The following DNAH2 variants were observed in gnomAD, a reference collection of about 807,000 sequenced individuals.
The protein encoded by DNAH2 is axonemal beta dynein heavy chain 2.
In DNAH2, 323 loss-of-function variants were observed where a neutral mutation model predicts 523.5. That is an observed-to-expected ratio of 0.62 (90% CI 0.56 to 0.68). The LOEUF is 0.68. Among genes scored for constraint, DNAH2 ranks in the 30% least tolerant of loss-of-function variants. The probability of loss-of-function intolerance (pLI) is 0.00; values close to 1 mark genes in which losing one functional copy is unlikely to be tolerated. For missense variants in DNAH2, 4,907 were observed against 5,701.5 expected, an observed-to-expected ratio of 0.86 and a Z score of 4.49; for synonymous variants, 2,093 against 2,177.4, an observed-to-expected ratio of 0.96 and a Z score of 1.08.
chr17:7,764,553 C>T (rs1297661509), intron 20 of DNAH2, among the ~76,000 whole-genome samples: 2 of 151,042 alleles, frequency 1.3e-5, no homozygotes, highest in Non-Finnish European at 3.0e-5. Flanking sequence ...CTCTGCCTCC[C>T]AGGCTCAAGT....
intron 63 of DNAH2, among the ~76,000 whole-genome samples, chr17:7,810,067 C>CTT (rs578080579): frequency 9.4e-5 from 12 of 127,296 alleles, no homozygotes; most frequent in African/African-American, 2.3e-4. Context: ...TCTTTTTTTT[C>CTT]TTTTTTTTTT....
At chr17:7,803,821 AAGAGAG>A (rs66942102) in intron 58 of DNAH2, among the ~76,000 whole-genome samples, 1 of 151,604 alleles carries the variant, frequency 6.6e-6, no homozygotes, top group Admixed American at 6.6e-5. Flanking sequence ...CAAAAAAAGA[AAGAGAG>A]AGAGAGAGCA....
At position 7,780,194 on chromosome 17, in the gene DNAH2, A is replaced by C. The variant is rs768416387; in HGVS notation, c.5760A>C (p.Lys1920Asn). Residue 1920 changes from lysine (K) to asparagine (N), a missense_variant, in exon 37 of 86, where the codon AAA (lysine) becomes AAC (asparagine). Physicochemically the swap from Lys to Asn is moderately conservative, Grantham distance 94. This residue lies in a region of DNAH2 where 2,806 missense variants were observed against 3,190.8 expected (regional missense o/e 0.88). Transcript: ENST00000572933. This position sits in a 1 kb window ranked among gnomAD's most constrained non-coding sequence, Gnocchi z 4.4. The stretch of plus-strand genomic sequence containing the variant: ...GCACAGAGCTTCCCGAAAATCTTAA[A>C]TCCATGTTCCGCCCAATTGCCATGG... ...AGRTELPENL[K>N]SMFRPIAMVV... 11 of 1,614,070 alleles carry C rather than the reference A, an allele frequency of 6.8e-6. No homozygotes were observed. The highest frequency in any genetic ancestry group is 9.3e-6 in the Non-Finnish European group (11 of 1,179,988).
chr17:7,791,932 G>A lies in DNAH2; in HGVS notation c.6916G>A (p.Gly2306Ser), dbSNP rs369555520. ...TPENGVNPAD[G>S]ENYVTMVEMT... ...CTCCATCCAGGTGAACCCAGCTGAC[G>A]GCGAGAACTATGTCACCATGGTAGA... The change falls in exon 45 of 86, where the codon GGC becomes AGC. Residue 2306 changes from glycine to serine, a missense_variant. By Grantham distance (56) the Gly-to-Ser change is moderately conservative (BLOSUM62 0). Around this residue, in one of 3 missense-constraint regions of DNAH2, gnomAD observed 2,806 missense variants for 3,190.8 expected, o/e 0.88. Coordinates refer to ENST00000572933, the MANE Select transcript of DNAH2 (RefSeq NM_020877.5). 3 of 1,613,280 alleles carry A rather than the reference G, an allele frequency of 1.9e-6. No individual in the cohort carries two copies. The highest frequency in any genetic ancestry group is 1.7e-5 in the Admixed American group (1 of 59,888).
intron 5 of DNAH2, 144 bp downstream of exon 5, chr17:7,733,459 G>T: frequency 1.8e-6 from 1 of 551,456 alleles, no homozygotes; most frequent in Non-Finnish European, 3.1e-6. Context: ...TAGGGTACAA[G>T]ATCCGCCTTC....
At chr17:7,757,020 ACCTGTTCGATTGTTGCTCT>A in intron 12 of DNAH2, 52 bp from the exon 13 acceptor site, 2 of 1,594,736 alleles carry the variant, frequency 1.3e-6, no homozygotes, top group East Asian at 4.5e-5. Flanking sequence ...CAGCCTCTCC[ACCTGTTCGATTGTTGCTCT>A]AGTTTATCCC....
At chr17:7,804,518 C>T (rs776066908) in intron 59 of DNAH2, 52 bp downstream of exon 59, 2 of 1,590,652 alleles carry the variant, frequency 1.3e-6, no homozygotes, top group Non-Finnish European at 1.7e-6. Context: ...GTGCCGGCTA[C>T]TGCGTCAGGG....
Position 7,780,058 on chromosome 17 carries a change from T to G in DNAH2, c.5723-99T>G. Reference sequence around the variant, plus strand: ...GTTGGAGAGAAAGTTAGGGATGGAGTTAGGGTGGGAGAAAATGAGACTGAT... The same window carrying G: ...GTTGGAGAGAAAGTTAGGGATGGAGGTAGGGTGGGAGAAAATGAGACTGAT... On this transcript the variant is annotated intron_variant, in intron 36 of 85. Coordinates refer to ENST00000572933, the MANE Select transcript of DNAH2 (RefSeq NM_020877.5). This position sits in a 1 kb window ranked among gnomAD's most constrained non-coding sequence, Gnocchi z 4.4. 2.7e-6 allele frequency: 4 copies of G among 1,469,170 alleles called. No homozygotes were observed. Among genetic ancestry groups the G allele is most frequent in the Non-Finnish European group, 3.7e-6 (4 of 1,083,356 alleles). The allele number at this position is 1,469,170 out of a possible 1,614,324, so 91.0% of individuals were successfully genotyped here. A position where few individuals can be genotyped will look rare whatever the true frequency, so the allele number is the denominator to read the frequency against.
intron 63 of DNAH2, among the ~76,000 whole-genome samples, chr17:7,812,727 C>T (rs2077549990): frequency 7.0e-6 from 1 of 143,480 alleles, no homozygotes; most frequent in South Asian, 2.2e-4. Context: ...TTGAGACCAG[C>T]CTGGCCAACA....
At chr17:7,813,699 G>C (rs566069228) in intron 63 of DNAH2, among the ~76,000 whole-genome samples, 1 of 152,292 alleles carries the variant, frequency 6.6e-6, no homozygotes, top group African/African-American at 2.4e-5. Context: ...CTGGAGGTCA[G>C]GAGTTCGAGA....
At chr17:7,725,539 T>A (rs1347947065) in intron 3 of DNAH2, among the ~76,000 whole-genome samples, 1 of 150,456 alleles carries the variant, frequency 6.6e-6, no homozygotes, top group Non-Finnish European at 1.5e-5. Context: ...CTCAAGCAAT[T>A]CTCCTGCCTC....
At chr17:7,733,436 C>A in intron 5 of DNAH2, 121 bp downstream of exon 5, 1 of 813,118 alleles carries the variant, frequency 1.2e-6, no homozygotes, top group Non-Finnish European at 1.9e-6. Flanking sequence ...GCATGCTTAT[C>A]GAATTGGTAG....
intron 58 of DNAH2, among the ~76,000 whole-genome samples, chr17:7,803,817 A>AG (rs1450207767): frequency 4.9e-5 from 2 of 41,154 alleles, no homozygotes; most frequent in Non-Finnish European, 2.0e-4. Context: ...TCTACAAAAA[A>AG]AGAAAGAGAG....
At chr17:7,757,326 T>A in intron 13 of DNAH2, 89 bp downstream of exon 13, 1 of 1,484,616 alleles carries the variant, frequency 6.7e-7, no homozygotes. Flanking sequence ...GTTCATTTTC[T>A]ACAATTTCTG....
intron 9 of DNAH2, 52 bp downstream of exon 9, chr17:7,739,990 C>A (rs1468189400): frequency 6.3e-7 from 1 of 1,594,570 alleles, no homozygotes; most frequent in Non-Finnish European, 8.6e-7. Flanking sequence ...GCAGATCAGG[C>A]AGCCAAGAGT....
In DNAH2 at chr17:7,776,159, G is replaced by T. The variant is rs758606398; in HGVS notation, c.4947+10G>T. ...GGAGTGGGCTGGCCAGGTGAGCTGG[G>T]GTCAACAGAAGTGAGGGAACAAGGG... On this transcript the variant is annotated intron_variant, in intron 31 of 85. Coordinates refer to ENST00000572933, the MANE Select transcript of DNAH2 (RefSeq NM_020877.5). 5 of 1,612,688 alleles carry T rather than the reference G, an allele frequency of 3.1e-6. No individual in the cohort carries two copies. The highest frequency in any genetic ancestry group is 3.4e-6 in the Non-Finnish European group (4 of 1,179,322).
Position 7,796,586 on chromosome 17 carries a change from G to A in DNAH2, c.7797G>A (p.Val2599=). ...TEATLDMYNT[V]VQRFLPTPTK... Reference sequence around the variant, plus strand: ...CCACCCTGGACATGTACAACACCGTGGTACAGCGCTTCCTGCCCACGCCCA... The same window carrying A: ...CCACCCTGGACATGTACAACACCGTAGTACAGCGCTTCCTGCCCACGCCCA... Residue 2599 remains valine (V), a synonymous_variant, in exon 50 of 86, where the codon GTG becomes GTA. Transcript: ENST00000572933. 6.2e-7 allele frequency: 1 copy of A among 1,613,324 alleles called. No homozygotes were observed. Among genetic ancestry groups the A allele is most frequent in the Non-Finnish European group, 8.5e-7 (1 of 1,179,888 alleles).
At chr17:7,800,207 T>G (rs2077184581) in intron 56 of DNAH2, among the ~76,000 whole-genome samples, 2 of 152,128 alleles carry the variant, frequency 1.3e-5, no homozygotes, top group South Asian at 2.1e-4. Context: ...CTCGCCACCA[T>G]GTCCAGCTAA....
intron 3 of DNAH2, 100 bp from the exon 4 acceptor site, chr17:7,727,022 G>T (rs2074834484): frequency 7.6e-7 from 1 of 1,311,020 alleles, no homozygotes; most frequent in Non-Finnish European, 1.0e-6. Context: ...AACCTGTCTG[G>T]CTTCTCTCAT....
Sources: allele counts gnomAD v4.1 joint callset (sites outside exome capture counted in the v4.1 genomes callset), GRCh38; gene constraint gnomAD v4.1.1; regional missense constraint gnomAD v4.1.1; non-coding constraint Gnocchi (gnomAD v3.1); transcripts MANE v1.5; gene names NCBI Gene and HGNC (gene_info 2026-07-23, HGNC 2026-07-21).